The following ROR1 variants were observed in gnomAD, a reference collection of about 807,000 sequenced individuals.
ROR1 encodes inactive tyrosine-protein kinase transmembrane receptor ROR1.
ROR1 carries 19 observed loss-of-function variants against 78.8 expected under a neutral mutation model. The observed-to-expected ratio is 0.24, with a 90% CI of 0.17 to 0.35. ROR1 has a LOEUF of 0.35. ROR1 is among the 10% of genes least tolerant of loss of function. The pLI is 1.00. For synonymous variants in ROR1, 386 were observed against 433.6 expected (o/e 0.89, Z 1.36); for missense variants, 917 against 1,177.8 (o/e 0.78, Z 3.24).
intron 8 of ROR1, among the ~76,000 whole-genome samples, chr1:64,174,997 G>A (rs904300837): frequency 1.3e-4 from 19 of 148,650 alleles, no homozygotes; most frequent in African/African-American, 4.2e-4. Flanking sequence ...GGGAAGATTC[G>A]CCTATTGTTT....
chr1:64,039,872 G>A (rs936343449), intron 2 of ROR1, among the ~76,000 whole-genome samples: 23 of 152,168 alleles, frequency 1.5e-4, no homozygotes, highest in African/African-American at 5.3e-4. Context: ...ATTTTTCAAA[G>A]GTTTATAATT....
At chr1:63,951,981 GA>G (rs1206766553) in intron 1 of ROR1, among the ~76,000 whole-genome samples, 3 of 152,030 alleles carry the variant, frequency 2.0e-5, no homozygotes, top group Non-Finnish European at 4.4e-5. Flanking sequence ...GCACTACTAT[GA>G]AAAAAATAAG....
At chr1:63,908,749 C>T (rs1195283936) in intron 1 of ROR1, among the ~76,000 whole-genome samples, 1 of 152,204 alleles carries the variant, frequency 6.6e-6, no homozygotes, top group African/African-American at 2.4e-5. Context: ...CTACCTCACT[C>T]CCCAGGGGAA....
intron 4 of ROR1, among the ~76,000 whole-genome samples, chr1:64,102,287 T>G (rs1647583620): frequency 2.0e-5 from 3 of 152,204 alleles, no homozygotes; most frequent in Admixed American, 2.0e-4. Flanking sequence ...TTCAGGCGAT[T>G]AAGTGAAATG....
At chr1:64,020,985 A>G (rs553673033) in intron 2 of ROR1, among the ~76,000 whole-genome samples, 5 of 152,144 alleles carry the variant, frequency 3.3e-5, no homozygotes, top group Admixed American at 3.3e-4. Flanking sequence ...CTTCATGCTT[A>G]AGTATCTCTT....
intron 4 of ROR1, among the ~76,000 whole-genome samples, chr1:64,089,275 T>A (rs1647176881): frequency 1.3e-5 from 2 of 152,014 alleles, no homozygotes; most frequent in Non-Finnish European, 2.9e-5. Context: ...AGTGGCATAA[T>A]CATGGCTCAC....
At chr1:63,879,164 AG>A (rs1428091829) in intron 1 of ROR1, among the ~76,000 whole-genome samples, 1 of 152,148 alleles carries the variant, frequency 6.6e-6, no homozygotes, top group Non-Finnish European at 1.5e-5. Flanking sequence ...TAAGGAAGGC[AG>A]AAAAAGGAAA....
intron 1 of ROR1, among the ~76,000 whole-genome samples, chr1:63,922,701 A>G (rs1433128229): frequency 1.3e-5 from 2 of 152,160 alleles, no homozygotes; most frequent in African/African-American, 4.8e-5. Flanking sequence ...GCTTTAACAC[A>G]GCTTATCCAG....
intron 1 of ROR1, among the ~76,000 whole-genome samples, chr1:63,827,522 G>A (rs1181510573): frequency 1.3e-5 from 2 of 152,114 alleles, no homozygotes; most frequent in Middle Eastern, 3.2e-3. Flanking sequence ...TGCTGACAAG[G>A]GGTTGGATGG....
intron 1 of ROR1, among the ~76,000 whole-genome samples, chr1:63,968,926 T>C (rs944039883): frequency 2.0e-5 from 3 of 152,200 alleles, no homozygotes; most frequent in African/African-American, 7.2e-5. Context: ...TGAATTTAAT[T>C]TCCCACTAAG....
At chr1:63,930,261 T>C (rs928161931) in intron 1 of ROR1, among the ~76,000 whole-genome samples, 1 of 152,140 alleles carries the variant, frequency 6.6e-6, no homozygotes, top group Non-Finnish European at 1.5e-5. Flanking sequence ...ACTAAAGTCA[T>C]TATCTGTTCA....
At chr1:63,847,659 T>C (rs531127042) in intron 1 of ROR1, among the ~76,000 whole-genome samples, 131 of 152,296 alleles carry the variant, frequency 8.6e-4, no homozygotes, top group African/African-American at 3.1e-3. Context: ...CACCACACTT[T>C]AGCAACTTGA....
chr1:64,143,113 G>A (rs1649374575), intron 7 of ROR1: 1 of 1,007,820 alleles, frequency 9.9e-7, no homozygotes, highest in African/African-American at 1.7e-5. Context: ...TGGGTAAACT[G>A]TGTCCTTCGT....
In ROR1 at chr1:63,775,115, CT is replaced by C. The variant is rs561411514; in HGVS notation, c.91+610del. ...TTGTGCGCCGCTGCAGCCGCTGCCA[CT>C]TTGTGCAAAATGTGCTGTCAGAGGC... On this transcript the variant is annotated intron_variant, in intron 1 of 8. Coordinates refer to ENST00000371079, the MANE Select transcript of ROR1 (RefSeq NM_005012.4). Among the ~76,000 whole-genome samples, 457 of 152,292 alleles carry C rather than the reference CT, an allele frequency of 3.0e-3. 7 individuals carry two copies. The highest frequency in any genetic ancestry group is 0.022 in the Admixed American group (333 of 15,304).
intron 4 of ROR1, among the ~76,000 whole-genome samples, chr1:64,073,314 GC>G (rs1350280797): frequency 6.6e-6 from 1 of 152,104 alleles, no homozygotes; most frequent in Non-Finnish European, 1.5e-5. Context: ...TCCTCTGTGT[GC>G]CCCTTCCTGC....
intron 1 of ROR1, among the ~76,000 whole-genome samples, chr1:63,927,536 G>A (rs1237682202): frequency 7.7e-6 from 1 of 129,666 alleles, no homozygotes; most frequent in Admixed American, 8.9e-5. Context: ...AAATGAGTTA[G>A]AGAGGATTCC....
intron 8 of ROR1, among the ~76,000 whole-genome samples, chr1:64,172,849 C>T (rs985433942): frequency 2.6e-5 from 4 of 152,162 alleles, no homozygotes; most frequent in African/African-American, 9.7e-5. Context: ...GGTCATTTCA[C>T]TTTCATTACT....
intron 3 of ROR1, 135 bp from the exon 4 acceptor site, chr1:64,050,551 A>G (rs1456647969): frequency 3.4e-6 from 3 of 874,492 alleles, no homozygotes; most frequent in Non-Finnish European, 5.6e-6. Context: ...ATAGAGCAAA[A>G]CAATAAATTC....
intron 4 of ROR1, among the ~76,000 whole-genome samples, chr1:64,115,424 A>G: frequency 6.6e-6 from 1 of 151,754 alleles, no homozygotes; most frequent in South Asian, 2.1e-4. Context: ...TTGTAGAGAC[A>G]GGTCTTGTCT....
Sources: allele counts gnomAD v4.1 joint callset (sites outside exome capture counted in the v4.1 genomes callset), GRCh38; gene constraint gnomAD v4.1.1; transcripts MANE v1.5; gene names NCBI Gene and HGNC (gene_info 2026-07-23, HGNC 2026-07-21).